The following COL6A6 variants were observed in gnomAD, a reference collection of about 807,000 sequenced individuals.
COL6A6 encodes the protein collagen type VI alpha 6 chain.
A neutral mutation model predicts 208.6 loss-of-function variants in COL6A6; 183 were observed. That is an observed-to-expected ratio of 0.88 (90% CI 0.78 to 0.99). COL6A6 has a LOEUF of 0.99. Among genes scored for constraint, COL6A6 ranks in the 50% least tolerant of loss-of-function variants. COL6A6 has a pLI of 0.00. For synonymous variants in COL6A6, 973 were observed against 1,011.8 expected (o/e 0.96, Z 0.73); for missense variants, 2,816 against 2,815.2 (o/e 1.00, Z -0.01).
intron 11 of COL6A6, among the ~76,000 whole-genome samples, chr3:130,588,214 G>A (rs1001957459): frequency 1.3e-5 from 2 of 152,282 alleles, no homozygotes; most frequent in African/African-American, 4.8e-5. Context: ...CAATCAAAGG[G>A]AGAAAATTGC....
intron 23 of COL6A6, among the ~76,000 whole-genome samples, chr3:130,618,322 A>G (rs1268120743): frequency 6.6e-6 from 1 of 152,324 alleles, no homozygotes. Context: ...AAATGGGGTT[A>G]ATAACAGGCA....
At chr3:130,530,125 G>A (rs2107698239) in intron 1 of COL6A6, among the ~76,000 whole-genome samples, 1 of 152,346 alleles carries the variant, frequency 6.6e-6, no homozygotes. Context: ...GAGGATCACA[G>A]GTTAGGGTAT....
At chr3:130,520,357 C>A (rs2107659202) in intron 1 of COL6A6, among the ~76,000 whole-genome samples, 1 of 152,260 alleles carries the variant, frequency 6.6e-6, no homozygotes, top group East Asian at 1.9e-4. Context: ...AAAGGCCGAC[C>A]TTTCTAAATG....
intron 23 of COL6A6, among the ~76,000 whole-genome samples, chr3:130,613,107 G>T (rs1017790586): frequency 1.3e-5 from 2 of 152,140 alleles, no homozygotes; most frequent in Admixed American, 1.3e-4. Context: ...GTCCAGAATG[G>T]TGTTTCCTAG....
intron 1 of COL6A6, among the ~76,000 whole-genome samples, chr3:130,525,768 C>T (rs1399128141): frequency 6.6e-6 from 1 of 152,120 alleles, no homozygotes; most frequent in Non-Finnish European, 1.5e-5. Context: ...GCTTCCTTGA[C>T]CACGCCATTC....
intron 23 of COL6A6, among the ~76,000 whole-genome samples, chr3:130,617,884 C>T (rs895178559): frequency 6.6e-6 from 1 of 152,182 alleles, no homozygotes; most frequent in Non-Finnish European, 1.5e-5. Flanking sequence ...TAAACCTAAA[C>T]TCCCAAGTGC....
chr3:130,606,226 T>C (rs1257399543), intron 20 of COL6A6, among the ~76,000 whole-genome samples: 1 of 152,204 alleles, frequency 6.6e-6, no homozygotes, highest in Non-Finnish European at 1.5e-5. Context: ...GACAACAAAA[T>C]GTCATGGTCT....
chr3:130,634,535 T>C lies in COL6A6; in HGVS notation c.4993-55T>C, dbSNP rs2065052061. The C allele has an allele frequency of 6.1e-6, 9 of 1,483,656 alleles. No individual in the cohort carries two copies. The South Asian group carries it at 1.1e-4, about 18-fold the overall frequency. 91.9% of individuals were successfully genotyped at this position (1,483,656 alleles called of 1,614,324 possible). On this transcript the variant is annotated intron_variant, in intron 26 of 36. Transcript: ENST00000358511. ...GCAGCAGGTAAATTGAAAATCAATG[T>C]AGACTTCATTGGGTGATGTGTGCCT...
Position 130,593,160 on chromosome 3 carries a change from C to T in COL6A6, c.4417-39C>T, listed in dbSNP as rs146659779. ...TCTGAGCTATTTACCATTATGAAAA[C>T]GAGAATTCTATTAATAGCTTTCCCT... On this transcript the variant is annotated intron_variant, in intron 16 of 36. Transcript: ENST00000358511. 6.7e-4 allele frequency: 1,086 copies of T among 1,611,064 alleles called. 7 individuals are homozygous for T. In the African/African-American group the frequency reaches 1.0e-2, roughly 15 times the overall value.
chr3:130,587,477 G>A (rs550449298), intron 11 of COL6A6, among the ~76,000 whole-genome samples: 38 of 152,328 alleles, frequency 2.5e-4, no homozygotes, highest in African/African-American at 8.4e-4. Flanking sequence ...GGCCAGGCTG[G>A]TCTTGAACTC....
chr3:130,599,840 C>T, intron 20 of COL6A6, 30 bp downstream of exon 20: 1 of 1,609,730 alleles, frequency 6.2e-7, no homozygotes, highest in African/African-American at 1.3e-5. Flanking sequence ...AGGAGACCCA[C>T]TGTTTTGGTG....
chr3:130,658,910 GTCACACTTCATCTTCCACA>G (rs1236662052), intron 34 of COL6A6, 138 bp downstream of exon 34: 1 of 624,768 alleles, frequency 1.6e-6, no homozygotes, highest in Non-Finnish European at 2.9e-6. Flanking sequence ...GGCCCACCCT[GTCACACTTCATCTTCCACA>G]GATGAATCCT....
chr3:130,517,073 C>T (rs982598786), upstream of COL6A6, among the ~76,000 whole-genome samples: 34 of 152,230 alleles, frequency 2.2e-4, no homozygotes, highest in Non-Finnish European at 5.9e-5. Flanking sequence ...AGGCTGCGCC[C>T]CCCTCCTGGG....
chr3:130,638,161 C>T (rs1265304025), intron 28 of COL6A6, among the ~76,000 whole-genome samples: 2 of 151,964 alleles, frequency 1.3e-5, no homozygotes, highest in Non-Finnish European at 2.9e-5. Flanking sequence ...CCTTCACCCC[C>T]TCACTCACTC....
At chr3:130,624,460 A>C (rs1388543667) in intron 24 of COL6A6, among the ~76,000 whole-genome samples, 1 of 152,224 alleles carries the variant, frequency 6.6e-6, no homozygotes, top group Non-Finnish European at 1.5e-5. Flanking sequence ...CAAGAAGTCA[A>C]CTGCAAAAGG....
chr3:130,544,320 T>C (rs1206071538), intron 1 of COL6A6, among the ~76,000 whole-genome samples: 3 of 152,204 alleles, frequency 2.0e-5, no homozygotes, highest in African/African-American at 7.2e-5. Flanking sequence ...CTCATCCATG[T>C]TGTGGCAAAT....
At chr3:130,571,890 C>T (rs1191237770) in intron 7 of COL6A6, among the ~76,000 whole-genome samples, 1 of 144,426 alleles carries the variant, frequency 6.9e-6, no homozygotes, top group African/African-American at 2.7e-5. Context: ...ACTATGTTGC[C>T]CAGGCTGGTC....
chr3:130,627,126 T>C (rs1165695392), intron 25 of COL6A6, among the ~76,000 whole-genome samples, 193 bp from the exon 26 acceptor site: 1 of 152,186 alleles, frequency 6.6e-6, no homozygotes, highest in Non-Finnish European at 1.5e-5. Flanking sequence ...GGACAGTGCA[T>C]TGTCTGTATC....
intron 6 of COL6A6, 25 bp downstream of exon 6, chr3:130,568,629 A>C (rs1400602319): frequency 6.5e-7 from 1 of 1,538,420 alleles, no homozygotes; most frequent in African/African-American, 1.4e-5. Context: ...ACTCACTAGC[A>C]GGACTATCCG....
Sources: allele counts gnomAD v4.1 joint callset (sites outside exome capture counted in the v4.1 genomes callset), GRCh38; gene constraint gnomAD v4.1.1; transcripts MANE v1.5; gene names NCBI Gene and HGNC (gene_info 2026-07-23, HGNC 2026-07-21).